RIT1: variants seen among roughly 807,000 people sequenced by gnomAD.
The protein encoded by RIT1 is Ras like without CAAX 1.
RIT1 carries 6 observed loss-of-function variants against 25.6 expected under a neutral mutation model. That is an observed-to-expected ratio of 0.23 (90% CI 0.13 to 0.46). RIT1 has a LOEUF of 0.46. RIT1 is among the 20% of genes least tolerant of loss of function. The pLI, the probability that RIT1 is intolerant of heterozygous loss-of-function variation, is 0.99. For synonymous variants in RIT1, 81 were observed against 94.1 expected (o/e 0.86, Z 0.80); for missense variants, 219 against 284.4 (o/e 0.77, Z 1.65).
At chr1:155,906,707 C>A (rs1673446867) in intron 3 of RIT1, among the ~76,000 whole-genome samples, 1 of 140,906 alleles carries the variant, frequency 7.1e-6, no homozygotes, top group Admixed American at 7.5e-5. Flanking sequence ...TTGCAGTGAG[C>A]CAAGATTGTG....
rs1231940401 is a variant in RIT1, at chr1:155,898,969, C to T, written c.*1419G>A. The T allele has an allele frequency of 4.7e-6, 1 of 212,936 alleles. No homozygotes were observed. Among genetic ancestry groups the T allele is most frequent in the Non-Finnish European group, 9.5e-6 (1 of 105,290 alleles). The allele number at this position is 212,936 out of a possible 1,614,324, so 13.2% of individuals were successfully genotyped here. A position where few individuals can be genotyped will look rare whatever the true frequency, so the allele number is the denominator to read the frequency against. On this transcript the variant is annotated 3_prime_UTR_variant, in exon 6 of 6. Coordinates refer to ENST00000368323, the MANE Select transcript of RIT1 (RefSeq NM_006912.6). ...TGAGCTGTGTGCTTATAAAGAGGTG[C>T]TACACAAGTCATCTTACGTTTCTAG...
chr1:155,906,676 G>A (rs756423316), intron 3 of RIT1, among the ~76,000 whole-genome samples: 1 of 145,818 alleles, frequency 6.9e-6, no homozygotes, highest in East Asian at 2.0e-4. Flanking sequence ...CAGGAGAATC[G>A]CTTGAACTGG....
Position 155,900,242 on chromosome 1 carries a change from T to C in RIT1, c.*146A>G, listed in dbSNP as rs1673283280. 3.1e-6 allele frequency: 2 copies of C among 644,660 alleles called. No individual in the cohort carries two copies. Among genetic ancestry groups the C allele is most frequent in the African/African-American group, 3.6e-5 (2 of 55,440 alleles). The allele number at this position is 644,660 out of a possible 1,614,324, so 39.9% of individuals were successfully genotyped here. A position where few individuals can be genotyped will look rare whatever the true frequency, so the allele number is the denominator to read the frequency against. ...CATACTTAACTAAGAGACAATACTT[T>C]AAATACCACATCATTAAAAACTCCT... On this transcript the variant is annotated 3_prime_UTR_variant, in exon 6 of 6. Coordinates refer to ENST00000368323, the MANE Select transcript of RIT1 (RefSeq NM_006912.6).
chr1:155,904,432 G>A lies in RIT1; in HGVS notation c.308C>T (p.Thr103Met), dbSNP rs1673389476. The change falls in exon 5 of 6, where the codon ACG becomes ATG. Residue 103 changes from threonine (T) to methionine (M), a missense_variant. Physicochemically the swap from Thr to Met is moderately conservative, Grantham distance 81. Coordinates refer to ENST00000368323, the MANE Select transcript of RIT1 (RefSeq NM_006912.6). ...GEGFIICYSI[T>M]DRRSFHEVRE... Reference sequence around the variant, plus strand: ...AACTTCATGGAAACTTCGACGATCCGTGATAGAGTAACAGATGATAAACCC... The same window carrying A: ...AACTTCATGGAAACTTCGACGATCCATGATAGAGTAACAGATGATAAACCC... 1 of 1,613,976 alleles carries A rather than the reference G, an allele frequency of 6.2e-7. No homozygotes were observed.
At chr1:155,908,171 C>T (rs1213915171) in intron 3 of RIT1, among the ~76,000 whole-genome samples, 1 of 150,948 alleles carries the variant, frequency 6.6e-6, no homozygotes, top group Non-Finnish European at 1.5e-5. Context: ...AAGGGAAAGA[C>T]GCGGCCGGGC....
intron 5 of RIT1, among the ~76,000 whole-genome samples, chr1:155,901,889 G>A (rs1395267200): frequency 6.6e-6 from 1 of 152,030 alleles, no homozygotes; most frequent in Non-Finnish European, 1.5e-5. Flanking sequence ...AAGCAGGCAG[G>A]CAGATCACCT....
intron 3 of RIT1, among the ~76,000 whole-genome samples, chr1:155,908,800 T>C (rs1571997894): frequency 6.6e-6 from 1 of 151,760 alleles, no homozygotes; most frequent in Non-Finnish European, 1.5e-5. Context: ...TGACCTCAGG[T>C]GCTCCACCCG....
intron 3 of RIT1, among the ~76,000 whole-genome samples, chr1:155,906,410 T>A (rs1246862344): frequency 6.6e-6 from 1 of 151,956 alleles, no homozygotes; most frequent in African/African-American, 2.4e-5. Flanking sequence ...AGTTGTGAAA[T>A]CTACTTAATG....
chr1:155,902,759 T>G (rs1484411899), intron 5 of RIT1, among the ~76,000 whole-genome samples: 2 of 150,956 alleles, frequency 1.3e-5, no homozygotes, highest in Admixed American at 6.6e-5. Context: ...GAGAATCGCT[T>G]GAACTCAGGA....
chr1:155,904,257 C>T, intron 5 of RIT1, 54 bp downstream of exon 5: 3 of 1,351,458 alleles, frequency 2.2e-6, no homozygotes, highest in Non-Finnish European at 3.1e-6. Context: ...AGCCAAGAAA[C>T]AAAAATGACT....
intron 3 of RIT1, among the ~76,000 whole-genome samples, chr1:155,907,686 C>CT (rs1673475130): frequency 6.6e-6 from 1 of 152,200 alleles, no homozygotes; most frequent in Non-Finnish European, 1.5e-5. Context: ...CCACTGTACC[C>CT]TGAGGGTAAG....
intron 3 of RIT1, among the ~76,000 whole-genome samples, chr1:155,909,730 T>C (rs1571998630): frequency 6.6e-6 from 1 of 152,100 alleles, no homozygotes; most frequent in East Asian, 1.9e-4. Context: ...GAGACCAGCC[T>C]GGCCAACATA....
Position 155,910,600 on chromosome 1 carries a change from T to C in RIT1, c.106+56A>G, listed in dbSNP as rs867550. The stretch of plus-strand genomic sequence containing the variant: ...ATTGCAAGATAGCAAGTATCCCATC[T>C]GGTCATTTAAGTACTTTTCATCCAT... On this transcript the variant is annotated intron_variant, in intron 2 of 5. Transcript: ENST00000368323. 445,665 of 1,606,638 alleles carry C rather than the reference T, an allele frequency of 0.28. 69,175 individuals are homozygous for C. The highest frequency in any genetic ancestry group is 0.76 in the East Asian group (34,230 of 44,784).
intron 3 of RIT1, among the ~76,000 whole-genome samples, chr1:155,908,411 C>T (rs891815693): frequency 7.4e-5 from 11 of 148,194 alleles, no homozygotes; most frequent in African/African-American, 1.0e-4. Context: ...GCCAAGACGG[C>T]GCCACTGCAC....
intron 3 of RIT1, among the ~76,000 whole-genome samples, chr1:155,909,305 G>C (rs1673529445): frequency 6.6e-6 from 1 of 151,800 alleles, no homozygotes; most frequent in South Asian, 2.1e-4. Flanking sequence ...ATGAACCTGG[G>C]AGGTGGAGCT....
At chr1:155,905,135 G>T (rs1673409317) in intron 3 of RIT1, among the ~76,000 whole-genome samples, 2 of 152,004 alleles carry the variant, frequency 1.3e-5, no homozygotes, top group Non-Finnish European at 2.9e-5. Flanking sequence ...TTGGGAGACT[G>T]AGACAGGAGT....
Position 155,904,782 on chromosome 1 carries a change from G to T in RIT1, c.186C>A (p.Ile62=). The T allele has an allele frequency of 6.2e-7, 1 of 1,611,844 alleles. No homozygotes were observed. The highest frequency in any genetic ancestry group is 8.5e-7 in the Non-Finnish European group (1 of 1,178,022). The part of the protein sequence containing the change: ...PTIEDAYKIR[I]RIDDEPANLD... ...GATTGGCAGGCTCATCATCAATACG[G>T]ATCCTGATCTTATAAGCATCTTCTA... Residue 62 remains isoleucine, a synonymous_variant, in exon 4 of 6, where the codon ATC becomes ATA. Transcript: ENST00000368323.
Position 155,904,510 on chromosome 1 carries a change from G to A in RIT1, c.238-8C>T, listed in dbSNP as rs1314215045. 1.9e-6 allele frequency: 3 copies of A among 1,607,192 alleles called. No homozygotes were observed. Among genetic ancestry groups the A allele is most frequent in the Non-Finnish European group, 1.7e-6 (2 of 1,174,472 alleles). ...CATGGCTGTAAACTCTGCCTAGAGG[G>A]AAACAAGGGTCATTATGTATTGACG... On this transcript the variant is annotated splice_region_variant and splice_polypyrimidine_tract_variant and intron_variant, in intron 4 of 5. Coordinates refer to ENST00000368323, the MANE Select transcript of RIT1 (RefSeq NM_006912.6).
At chr1:155,904,699 GC>G in intron 4 of RIT1, 31 bp downstream of exon 4, 1 of 1,508,192 alleles carries the variant, frequency 6.6e-7, no homozygotes, top group Middle Eastern at 1.7e-4. Flanking sequence ...GAGTAAAAAA[GC>G]CTTTACTCAT....
Sources: gnomAD v4.1 joint callset for allele counts (sites outside exome capture counted in the v4.1 genomes callset) on GRCh38, gnomAD v4.1.1 for gene constraint, MANE v1.5 for transcripts, NCBI Gene and HGNC (gene_info 2026-07-23, HGNC 2026-07-21) for gene names.